Variants in MAGEF1 observed in about 807,000 individuals in gnomAD.
The protein encoded by MAGEF1 is MAGE family member F1.
For missense variants in MAGEF1, 418 were observed against 399.5 expected, an observed-to-expected ratio of 1.05 and a Z score of -0.39; for synonymous variants, 150 against 163.6, an observed-to-expected ratio of 0.92 and a Z score of 0.63.
Position 184,711,918 on chromosome 3 carries a change from G to C in MAGEF1, c.-97C>G, listed in dbSNP as rs541785005. On this transcript the variant is annotated 5_prime_UTR_variant, in exon 1 of 1. Transcript: ENST00000317897. ...GGAGGGGTTGGACAGCGGCAGTGAC[G>C]GCGGGAGTACAAGGAGCAATGGCAG... 892 of 1,412,742 alleles carry C rather than the reference G, an allele frequency of 6.3e-4. 5 individuals carry two copies. Among genetic ancestry groups the C allele is most frequent in the Admixed American group, 3.0e-3 (94 of 31,260 alleles). 87.5% of individuals were successfully genotyped at this position (1,412,742 alleles called of 1,614,324 possible). A position where few individuals can be genotyped will look rare whatever the true frequency, so the allele number is the denominator to read the frequency against.
Position 184,710,979 on chromosome 3 carries a change from G to A in MAGEF1, c.843C>T (p.Ala281=), listed in dbSNP as rs760608534. The A allele has an allele frequency of 6.2e-7, 1 of 1,614,102 alleles. No homozygotes were observed. Among genetic ancestry groups the A allele is most frequent in the East Asian group, 2.2e-5 (1 of 44,878 alleles). Residue 281 remains alanine, a synonymous_variant, in exon 1 of 1, where the codon GCC becomes GCT. Transcript: ENST00000317897. ...CTCTGGCCTTGGCTCTGGCCCTGTC[G>A]GCCTCGTCTGCTAGGGCCTCACGGT... The part of the protein sequence containing the change: ...VQYREALADE[A]DRARAKARAE...
In MAGEF1 at chr3:184,711,198, C is replaced by A; in HGVS notation, c.624G>T (p.Gly208=). 6.2e-7 allele frequency: 1 copy of A among 1,614,160 alleles called. No homozygotes were observed. Residue 208 remains glycine, a synonymous_variant, in exon 1 of 1, where the codon GGG becomes GGT. Transcript: ENST00000317897. ...CTTCCATAATAAGCCTCTTCGGATA[C>A]CCAAAGAGGAAATGATACTTTGAGG... ...VQPSKYHFLF[G]YPKRLIMEDF...
the MAGEF1 span, chr3:184,711,673 GC>G: frequency 6.3e-7 from 1 of 1,592,424 alleles, no homozygotes. Flanking sequence ...GGCGGGCTCC[GC>G]AGCCCCCTCC....
At position 184,711,906 on chromosome 3, in the gene MAGEF1, A is replaced by G; in HGVS notation, c.-85T>C. On this transcript the variant is annotated 5_prime_UTR_variant, in exon 1 of 1. Transcript: ENST00000317897. ...GCAAGCCCCGGGGGAGGGGTTGGAC[A>G]GCGGCAGTGACGGCGGGAGTACAAG... The G allele has an allele frequency of 7.1e-7, 1 of 1,417,374 alleles. No individual in the cohort carries two copies. Among genetic ancestry groups the G allele is most frequent in the East Asian group, 2.6e-5 (1 of 37,934 alleles). 87.8% of individuals were successfully genotyped at this position (1,417,374 alleles called of 1,614,324 possible). A position where few individuals can be genotyped will look rare whatever the true frequency, so the allele number is the denominator to read the frequency against.
the MAGEF1 span, chr3:184,711,293 TA>T: frequency 6.2e-7 from 1 of 1,613,982 alleles, no homozygotes; most frequent in Admixed American, 1.7e-5. Flanking sequence ...CTCATATAGA[TA>T]AGGCCCAGGA....
Position 184,711,523 on chromosome 3 carries a change from G to C in MAGEF1, c.299C>G (p.Ser100Trp), listed in dbSNP as rs763369327. Residue 100 changes from serine to tryptophan, a missense_variant, in exon 1 of 1, where the codon TCG (serine) becomes TGG (tryptophan). Coordinates refer to ENST00000317897, the MANE Select transcript of MAGEF1 (RefSeq NM_022149.5). ...KDKKKSPITR[S>W]EMVKYVIGDL... ...TCCAATAACGTATTTCACCATCTCC[G>C]AGCGTGTGATGGGACTCTTCTTCTT... The C allele has an allele frequency of 4.3e-6, 7 of 1,614,086 alleles. No homozygotes were observed. The highest frequency in any genetic ancestry group is 4.2e-6 in the Non-Finnish European group (5 of 1,180,046).
chr3:184,711,847 G>A lies in MAGEF1; in HGVS notation c.-26C>T. ...GTTTTCGGGCAGGCAGGTGCAGAGC[G>A]CGTACACGGGCCGAGGGGTGTGGGA... is the stretch of plus-strand genomic sequence containing the variant. On this transcript the variant is annotated 5_prime_UTR_variant, in exon 1 of 1. Coordinates refer to ENST00000317897, the MANE Select transcript of MAGEF1 (RefSeq NM_022149.5). 1 of 1,469,368 alleles carries A rather than the reference G, an allele frequency of 6.8e-7. No individual in the cohort carries two copies. Among genetic ancestry groups the A allele is most frequent in the African/African-American group, 1.4e-5 (1 of 70,914 alleles). 91.0% of individuals were successfully genotyped at this position (1,469,368 alleles called of 1,614,324 possible). A position where few individuals can be genotyped will look rare whatever the true frequency, so the allele number is the denominator to read the frequency against.
Position 184,710,922 on chromosome 3 carries a change from A to G in MAGEF1, c.900T>C (p.Ala300=), listed in dbSNP as rs747236279. The change falls in exon 1 of 1, where the codon GCT becomes GCC. Residue 300 remains alanine, a synonymous_variant. Transcript: ENST00000317897. The part of the protein sequence containing the change: ...AEASMRARAS[A]RAGIHLW The stretch of plus-strand genomic sequence containing the variant: ...CTCACCAGAGGTGGATGCCGGCCCT[A>G]GCACTGGCCCTGGCCCTCATACTGG... 1.3e-6 allele frequency: 2 copies of G among 1,594,720 alleles called. No homozygotes were observed. The highest frequency in any genetic ancestry group is 1.7e-6 in the Non-Finnish European group (2 of 1,169,116).
rs751765302 is a variant in MAGEF1, at chr3:184,710,996, C to T, written c.826G>A (p.Ala276Thr). ...PQHWPVQYRE[A>T]LADEADRARA... The stretch of plus-strand genomic sequence containing the variant: ...GCCCTGTCGGCCTCGTCTGCTAGGG[C>T]CTCACGGTACTGCACTGGCCAGTGC... Residue 276 changes from alanine (A) to threonine (T), a missense_variant, in exon 1 of 1, where the codon GCC (alanine) becomes ACC (threonine). Ala to Thr is a moderately conservative substitution (Grantham distance 58). Transcript: ENST00000317897. 1.2e-6 allele frequency: 2 copies of T among 1,614,190 alleles called. No individual in the cohort carries two copies. The highest frequency in any genetic ancestry group is 2.2e-5 in the East Asian group (1 of 44,882).
Position 184,710,854 on chromosome 3 carries a change from A to G in MAGEF1, c.*44T>C, listed in dbSNP as rs1399603967. On this transcript the variant is annotated 3_prime_UTR_variant, in exon 1 of 1. Coordinates refer to ENST00000317897, the MANE Select transcript of MAGEF1 (RefSeq NM_022149.5). ...CATATTACTTATGACTCAGGACAGT[A>G]GTTCGTCCTCACGGGGACCCACTGG... 16 of 1,519,256 alleles carry G rather than the reference A, an allele frequency of 1.1e-5. No homozygotes were observed. The highest frequency in any genetic ancestry group is 1.2e-5 in the Non-Finnish European group (14 of 1,133,850). The allele number at this position is 1,519,256 out of a possible 1,614,324, so 94.1% of individuals were successfully genotyped here.
chr3:184,710,729 G>T lies in MAGEF1; in HGVS notation c.*169C>A. 1 of 1,099,658 alleles carries T rather than the reference G, an allele frequency of 9.1e-7. No individual in the cohort carries two copies. The highest frequency in any genetic ancestry group is 1.2e-6 in the Non-Finnish European group (1 of 821,522). The allele number at this position is 1,099,658 out of a possible 1,614,324, so 68.1% of individuals were successfully genotyped here. A position where few individuals can be genotyped will look rare whatever the true frequency, so the allele number is the denominator to read the frequency against. The stretch of plus-strand genomic sequence containing the variant: ...AGTAGACCAATCTCATTTACAAACA[G>T]CATTTTAACAGTAATTATTAAATGT... On this transcript the variant is annotated 3_prime_UTR_variant, in exon 1 of 1. Coordinates refer to ENST00000317897, the MANE Select transcript of MAGEF1 (RefSeq NM_022149.5).
In MAGEF1 at chr3:184,711,410, G is replaced by A; in HGVS notation, c.412C>T (p.Arg138Cys). Residue 138 changes from arginine to cysteine, a missense_variant, in exon 1 of 1, where the codon CGC becomes TGC. Arg to Cys is a radical substitution (Grantham distance 180). Coordinates refer to ENST00000317897, the MANE Select transcript of MAGEF1 (RefSeq NM_022149.5). ...ATCAGGATGTAAGTGTGGTGCTTGCGGTCAAACTGTTTCAGCTCAAAACCA... is the reference window on the plus strand; with the variant it reads ...ATCAGGATGTAAGTGTGGTGCTTGCAGTCAAACTGTTTCAGCTCAAAACCA... ...VFGFELKQFD[R>C]KHHTYILINK... 1 of 1,614,168 alleles carries A rather than the reference G, an allele frequency of 6.2e-7. No homozygotes were observed. The highest frequency in any genetic ancestry group is 8.5e-7 in the Non-Finnish European group (1 of 1,180,030).
At position 184,711,351 on chromosome 3, in the gene MAGEF1, C is replaced by CTCT. The variant is rs2108474237; in HGVS notation, c.470_471insAGA (p.Glu158dup). On this transcript the variant is annotated inframe_insertion, in exon 1 of 1. Transcript: ENST00000317897. ...TGGGGCCATCTCCTCCCAGATCCTC[C>CTCT]TCCTCCTCCTCCTCCAGAGGTTTTA... 6.2e-7 allele frequency: 1 copy of CTCT among 1,609,586 alleles called. No individual in the cohort carries two copies. The highest frequency in any genetic ancestry group is 8.5e-7 in the Non-Finnish European group (1 of 1,176,076).
In MAGEF1 at chr3:184,711,962, T is replaced by C. The variant is rs564993457; in HGVS notation, c.-141A>G. On this transcript the variant is annotated 5_prime_UTR_variant, in exon 1 of 1. Coordinates refer to ENST00000317897, the MANE Select transcript of MAGEF1 (RefSeq NM_022149.5). ...ATGGCAGCGGGAGCTTTGTGGCTGC[T>C]GGGCCGCACCGCACGGGAGTCAAAC... 8.4e-5 allele frequency: 110 copies of C among 1,305,376 alleles called. No individual in the cohort carries two copies. Among genetic ancestry groups the C allele is most frequent in the Non-Finnish European group, 1.1e-4 (107 of 1,015,356 alleles). 80.9% of individuals were successfully genotyped at this position (1,305,376 alleles called of 1,614,324 possible).
chr3:184,711,587 T>G lies in MAGEF1; in HGVS notation c.235A>C (p.Thr79Pro), dbSNP rs1323182729. 6.2e-7 allele frequency: 1 copy of G among 1,613,780 alleles called. No homozygotes were observed. Among genetic ancestry groups the G allele is most frequent in the Non-Finnish European group, 8.5e-7 (1 of 1,180,032 alleles). Residue 79 changes from threonine to proline, a missense_variant, in exon 1 of 1, where the codon ACG becomes CCG. By Grantham distance (38) the Thr-to-Pro change is conservative. Transcript: ENST00000317897. ...RRRAYRRLNR[T>P]VAELVQFLLV... ...AGGAACTGCACCAACTCCGCCACCG[T>G]CCGATTCAGCCGGCGGTAGGCCCTG...
chr3:184,710,752 T>C lies in MAGEF1; in HGVS notation c.*146A>G. ...CAGCATTTTAACAGTAATTATTAAA[T>C]GTTACAAAACATAAGATACAAAATC... On this transcript the variant is annotated 3_prime_UTR_variant, in exon 1 of 1. Transcript: ENST00000317897. The C allele has an allele frequency of 1.6e-6, 2 of 1,243,716 alleles. No homozygotes were observed. Among genetic ancestry groups the C allele is most frequent in the Non-Finnish European group, 2.1e-6 (2 of 944,238 alleles). The allele number at this position is 1,243,716 out of a possible 1,614,324, so 77.0% of individuals were successfully genotyped here.
chr3:184,710,999 C>T lies in MAGEF1; in HGVS notation c.823G>A (p.Glu275Lys), dbSNP rs1292311058. The change falls in exon 1 of 1, where the codon GAG becomes AAG. Residue 275 changes from glutamate to lysine, a missense_variant. Physicochemically the swap from Glu to Lys is moderately conservative, Grantham distance 56. Coordinates refer to ENST00000317897, the MANE Select transcript of MAGEF1 (RefSeq NM_022149.5). ...EPQHWPVQYR[E>K]ALADEADRAR... ...CTGTCGGCCTCGTCTGCTAGGGCCT[C>T]ACGGTACTGCACTGGCCAGTGCTGC... 6.2e-7 allele frequency: 1 copy of T among 1,614,208 alleles called. No homozygotes were observed. Among genetic ancestry groups the T allele is most frequent in the Admixed American group, 1.7e-5 (1 of 60,028 alleles).
chr3:184,711,580 G>A lies in MAGEF1; in HGVS notation c.242C>T (p.Ala81Val), dbSNP rs1308472213. ...CACCAGGAGGAACTGCACCAACTCC[G>A]CCACCGTCCGATTCAGCCGGCGGTA... ...RAYRRLNRTV[A>V]ELVQFLLVKD... Residue 81 changes from alanine to valine, a missense_variant, in exon 1 of 1, where the codon GCG (alanine) becomes GTG (valine). Transcript: ENST00000317897. The A allele has an allele frequency of 6.2e-7, 1 of 1,613,772 alleles. No individual in the cohort carries two copies. Among genetic ancestry groups the A allele is most frequent in the Middle Eastern group, 1.6e-4 (1 of 6,062 alleles).
At position 184,711,538 on chromosome 3, in the gene MAGEF1, CTCT is replaced by C. The variant is rs541324874; in HGVS notation, c.281_283del (p.Lys94del). 1.4e-4 allele frequency: 223 copies of C among 1,614,234 alleles called. 1 individual carries two copies. Among genetic ancestry groups the C allele is most frequent in the East Asian group, 5.6e-4 (25 of 44,872 alleles). On this transcript the variant is annotated inframe_deletion, in exon 1 of 1. Transcript: ENST00000317897. ...CACCATCTCCGAGCGTGTGATGGGA[CTCT>C]TCTTCTTGTCTTTCACCAGGAGGAA...
Sources: allele counts gnomAD v4.1 joint callset, GRCh38; gene constraint gnomAD v4.1.1; transcripts MANE v1.5; gene names NCBI Gene and HGNC (gene_info 2026-07-23, HGNC 2026-07-21).